ARID1B: variants seen among roughly 807,000 people sequenced by gnomAD.
The protein encoded by ARID1B is AT-rich interactive domain-containing protein 1B.
A neutral mutation model predicts 212.3 loss-of-function variants in ARID1B; 30 were observed. The observed-to-expected ratio is 0.14, with a 90% confidence interval of 0.11 to 0.19. The LOEUF is 0.19. Ranked by LOEUF, ARID1B falls within the 10% of genes least tolerant of loss-of-function variation. The probability of loss-of-function intolerance (pLI) is 1.00; values close to 1 mark genes in which losing one functional copy is unlikely to be tolerated. For missense variants in ARID1B, 2,891 were observed against 3,204.0 expected, an observed-to-expected ratio of 0.90 and a Z score of 2.36; for synonymous variants, 1,402 against 1,301.7, an observed-to-expected ratio of 1.08 and a Z score of -1.66.
rs143730319 is a variant in ARID1B, at chr6:157,050,794, T to C, written c.2248-33868T>C. ...TGATCAACAGTGGAAAGGTTTATGA[T>C]GTGCTATGTAATAGTATGTGCAAAC... On this transcript the variant is annotated intron_variant, in intron 4 of 19. Transcript: ENST00000636930. Among the ~76,000 whole-genome samples, 232 of 152,350 alleles carry C rather than the reference T, an allele frequency of 1.5e-3. 3 individuals carry two copies. Among genetic ancestry groups the C allele is most frequent in the African/African-American group, 5.1e-3 (212 of 41,576 alleles).
At chr6:157,149,790 G>A (rs1790069097) in intron 8 of ARID1B, 1 of 152,138 alleles carries the variant, frequency 6.6e-6, no homozygotes, top group Non-Finnish European at 1.5e-5. Context: ...TTTTGTCAAA[G>A]GGAAGCAAAA....
intron 4 of ARID1B, among the ~76,000 whole-genome samples, chr6:156,959,939 T>C (rs1004801031): frequency 2.4e-4 from 35 of 148,236 alleles, no homozygotes; most frequent in Non-Finnish European, 5.1e-4. Context: ...TTTTTTTTTT[T>C]TTTTTTCTCG....
At chr6:157,031,796 T>A (rs1289480646) in intron 4 of ARID1B, among the ~76,000 whole-genome samples, 10 of 144,962 alleles carry the variant, frequency 6.9e-5, no homozygotes, top group East Asian at 5.9e-4. Flanking sequence ...ACAAATGAAA[T>A]TTTTTTTTTT....
intron 8 of ARID1B, among the ~76,000 whole-genome samples, chr6:157,160,566 T>A (rs1012085426): frequency 2.6e-5 from 4 of 152,190 alleles, no homozygotes; most frequent in Non-Finnish European, 5.9e-5. Context: ...TTGCCTCCGA[T>A]GTGTTCTTCC....
At chr6:157,026,252 TTTA>T (rs563054885) in intron 4 of ARID1B, among the ~76,000 whole-genome samples, 72 of 152,316 alleles carry the variant, frequency 4.7e-4, no homozygotes, top group African/African-American at 1.7e-3. Context: ...CTCCAATGTT[TTTA>T]TCATGGAAAG....
At chr6:157,029,831 A>G (rs552415054) in intron 4 of ARID1B, among the ~76,000 whole-genome samples, 2 of 152,304 alleles carry the variant, frequency 1.3e-5, no homozygotes, top group East Asian at 3.9e-4. Context: ...GGACCATGGT[A>G]AGCAGCTCGG....
At chr6:156,938,974 T>C (rs892724033) in intron 4 of ARID1B, 1 of 152,248 alleles carries the variant, frequency 6.6e-6, no homozygotes, top group African/African-American at 2.4e-5. Context: ...TCTCTCGTTA[T>C]CTTGGAGCCA....
At chr6:156,815,780 C>G (rs1781924630) in intron 1 of ARID1B, among the ~76,000 whole-genome samples, 1 of 152,200 alleles carries the variant, frequency 6.6e-6, no homozygotes, top group Admixed American at 6.5e-5. Flanking sequence ...TAAAAATCGA[C>G]AGGTAAGCTC....
intron 5 of ARID1B, chr6:157,108,008 A>C (rs1264171943): frequency 6.6e-6 from 1 of 152,210 alleles, no homozygotes; most frequent in African/African-American, 2.4e-5. Flanking sequence ...GACGATGTTT[A>C]AACTATGCCT....
At chr6:156,975,097 A>G (rs1777143668) in intron 4 of ARID1B, among the ~76,000 whole-genome samples, 1 of 152,214 alleles carries the variant, frequency 6.6e-6, no homozygotes, top group Admixed American at 6.5e-5. Context: ...AGAAACTGCC[A>G]CACTGTTTTC....
chr6:156,849,441 C>CTA (rs1458015495), intron 2 of ARID1B, among the ~76,000 whole-genome samples: 1 of 152,198 alleles, frequency 6.6e-6, no homozygotes, highest in Non-Finnish European at 1.5e-5. Flanking sequence ...AATTTTCAGG[C>CTA]TATACCCCAC....
At chr6:157,069,170 TCTAAGAATTGATGATGTCTAGTTTGG>T (rs1475148312) in intron 4 of ARID1B, among the ~76,000 whole-genome samples, 1 of 152,194 alleles carries the variant, frequency 6.6e-6, no homozygotes, top group African/African-American at 2.4e-5. Flanking sequence ...GCTAAACTGC[TCTAAGAATTGATGATGTCTAGTTTGG>T]CTAAGAAGAG....
chr6:156,838,872 C>G (rs1405616410), intron 2 of ARID1B, among the ~76,000 whole-genome samples: 1 of 152,096 alleles, frequency 6.6e-6, no homozygotes, highest in African/African-American at 2.4e-5. Flanking sequence ...CAGATACTCT[C>G]TTAAAAGGGT....
rs115718205 is a variant in ARID1B at position 157,079,559 on chromosome 6, T to C, written c.2248-5103T>C. Among the ~76,000 whole-genome samples the C allele has an allele frequency of 4.7e-3, 716 of 152,328 alleles. 2 individuals carry two copies. Among genetic ancestry groups the C allele is most frequent in the African/African-American group, 0.017 (692 of 41,558 alleles). On this transcript the variant is annotated intron_variant, in intron 4 of 19. Transcript: ENST00000636930. ...GTGTGTTTCTAAAGAACCAAGAATC[T>C]AATGACACTGGATACTTGACATCCA... is the stretch of plus-strand genomic sequence containing the variant.
chr6:157,093,297 A>G (rs997824172), intron 5 of ARID1B, among the ~76,000 whole-genome samples: 9 of 152,342 alleles, frequency 5.9e-5, no homozygotes, highest in African/African-American at 2.2e-4. Context: ...ACAATTGTGG[A>G]AGGAACAAAA....
intron 4 of ARID1B, among the ~76,000 whole-genome samples, chr6:156,960,621 T>G (rs1343356412): frequency 1.3e-5 from 2 of 152,180 alleles, no homozygotes; most frequent in East Asian, 3.8e-4. Flanking sequence ...GCTAGAGTCT[T>G]AAAAATTCAA....
intron 5 of ARID1B, among the ~76,000 whole-genome samples, chr6:157,091,451 T>G (rs1785276924): frequency 6.6e-6 from 1 of 152,166 alleles, no homozygotes; most frequent in African/African-American, 2.4e-5. Context: ...AAGAAGATAT[T>G]CTGGTCAAAA....
At chr6:157,039,915 CTTCTTTCTT>C (rs1781758973) in intron 4 of ARID1B, among the ~76,000 whole-genome samples, 1 of 133,616 alleles carries the variant, frequency 7.5e-6, no homozygotes, top group Non-Finnish European at 1.6e-5. Context: ...TCCTTCCTTC[CTTCTTTCTT>C]TTCTTTCTTT....
chr6:157,197,994 G>C (rs1310021626), intron 16 of ARID1B, among the ~76,000 whole-genome samples: 1 of 152,118 alleles, frequency 6.6e-6, no homozygotes, highest in Non-Finnish European at 1.5e-5. Flanking sequence ...TCCTTGATCA[G>C]CTTAGGAATA....
Sources: gnomAD v4.1 joint callset for allele counts (sites outside exome capture counted in the v4.1 genomes callset) on GRCh38, gnomAD v4.1.1 for gene constraint, MANE v1.5 for transcripts, NCBI Gene and HGNC (gene_info 2026-07-23, HGNC 2026-07-21) for gene names.